The following TAOK2 variants were observed in gnomAD, a reference collection of about 807,000 sequenced individuals.
The protein encoded by TAOK2 is TAO kinase 2.
TAOK2 carries 42 observed loss-of-function variants against 122.5 expected under a neutral mutation model. The observed-to-expected ratio is 0.34, with a 90% CI of 0.27 to 0.44. The LOEUF is 0.44. Ranked by LOEUF, TAOK2 falls within the 20% of genes least tolerant of loss-of-function variation. The probability of loss-of-function intolerance (pLI) is 1.00; values close to 1 mark genes in which losing one functional copy is unlikely to be tolerated. For missense variants in TAOK2, 1,264 were observed against 1,644.9 expected (o/e 0.77, Z 4.01); for synonymous variants, 704 against 677.6 (o/e 1.04, Z -0.61).
rs773896207 is a variant in TAOK2, at chr16:29,985,450, G to A, written c.1660G>A (p.Ala554Thr). ...RRHQAIGEKE[A>T]RAAQAEERKF... ...GCACCAGGCCATAGGTGAGAAGGAG[G>A]CACGAGCTGCCCAGGCCGAGGAGCG... The change falls in exon 14 of 16, where the codon GCA becomes ACA. Residue 554 changes from alanine (A) to threonine (T), a missense_variant. Ala to Thr is a moderately conservative substitution (Grantham distance 58). Transcript: ENST00000308893. This position sits in a 1 kb window ranked among gnomAD's most constrained non-coding sequence, Gnocchi z 6.9. The A allele has an allele frequency of 4.3e-6, 7 of 1,611,084 alleles. No homozygotes were observed. In the African/African-American group the frequency reaches 6.7e-5, roughly 15 times the overall value.
chr16:29,978,194 A>C (rs1435448427), intron 3 of TAOK2, 34 bp downstream of exon 3: 2 of 1,614,040 alleles, frequency 1.2e-6, no homozygotes, highest in Admixed American at 3.3e-5. Flanking sequence ...GGTTGGGGAC[A>C]GGGGACTCCT....
At position 29,987,525 on chromosome 16, in the gene TAOK2, T is replaced by C; in HGVS notation, c.3253T>C (p.Trp1085Arg). The change falls in exon 16 of 16, where the codon TGG becomes CGG. Residue 1085 changes from tryptophan to arginine, a missense_variant. By Grantham distance (101) the Trp-to-Arg change is moderately radical. Transcript: ENST00000308893. ...PRVRRGISRL[W>R]LRVLLRLSPM... ...GGTGCGCCGGGGCATATCTCGACTC[T>C]GGTTGCGGGTTCTGCTGCGCCTGTC... is the stretch of plus-strand genomic sequence containing the variant. The C allele has an allele frequency of 6.2e-7, 1 of 1,610,280 alleles. No individual in the cohort carries two copies. Among genetic ancestry groups the C allele is most frequent in the Non-Finnish European group, 8.5e-7 (1 of 1,177,768 alleles).
chr16:29,984,018 G>C (rs1002707100), intron 13 of TAOK2, among the ~76,000 whole-genome samples: 3 of 152,154 alleles, frequency 2.0e-5, no homozygotes, highest in African/African-American at 7.2e-5. Context: ...TGTGCCTGTG[G>C]AGCCCTGTGC....
At chr16:29,978,705 C>G (rs753393199) in intron 4 of TAOK2, 94 bp from the exon 5 acceptor site, 2 of 1,458,038 alleles carry the variant, frequency 1.4e-6, no homozygotes, top group African/African-American at 1.4e-5. Context: ...GTCATCACCC[C>G]GGGGACATAG....
downstream of TAOK2, chr16:29,991,726 C>A: frequency 2.0e-6 from 2 of 984,458 alleles, no homozygotes; most frequent in East Asian, 3.3e-5. This position sits in a 1 kb window ranked among gnomAD's most constrained non-coding sequence, Gnocchi z 5.6. Flanking sequence ...TTGGGGCTGG[C>A]CAGTGGCCCA....
rs779667237 is a variant in TAOK2, at chr16:29,983,409, C to T, written c.1260+77C>T. ...GGTCTTCGCCCTCCTTCCCTAAGTG[C>T]AGCACTCCTCTGAGTCTGATTGGCT... On this transcript the variant is annotated intron_variant, in intron 12 of 15. Coordinates refer to ENST00000308893, the MANE Select transcript of TAOK2 (RefSeq NM_016151.4). 45 of 1,561,888 alleles carry T rather than the reference C, an allele frequency of 2.9e-5. No individual in the cohort carries two copies. The Middle Eastern group carries it at 2.1e-3, about 71-fold the overall frequency.
downstream of TAOK2, chr16:29,991,233 C>G: frequency 6.2e-7 from 1 of 1,611,580 alleles, no homozygotes; most frequent in Non-Finnish European, 8.5e-7. The surrounding 1 kb of genome is among the most constrained non-coding windows in gnomAD (Gnocchi z 5.6). Flanking sequence ...ACCCCCTGCC[C>G]CAGCCTGGCC....
Position 29,983,343 on chromosome 16 carries a change from C to A in TAOK2, c.1260+11C>A. ...ATCCACCGGCTGCCGGTACACAGCT[C>A]ACCCTTGGGGGACCCGAGCCACCTG... On this transcript the variant is annotated intron_variant, in intron 12 of 15. Coordinates refer to ENST00000308893, the MANE Select transcript of TAOK2 (RefSeq NM_016151.4). The A allele has an allele frequency of 1.3e-6, 2 of 1,588,762 alleles. No homozygotes were observed. Among genetic ancestry groups the A allele is most frequent in the Non-Finnish European group, 8.5e-7 (1 of 1,172,458 alleles).
At chr16:29,989,315 C>G (rs1165387607), downstream of TAOK2, 37 of 984,752 alleles carry the variant, frequency 3.8e-5, no homozygotes, top group Non-Finnish European at 4.2e-5. Context: ...CTCTTGGAAC[C>G]TCTTGTCTTC....
chr16:29,977,121 G>C (rs2069479210), intron 1 of TAOK2, among the ~76,000 whole-genome samples: 1 of 152,214 alleles, frequency 6.6e-6, no homozygotes, highest in African/African-American at 2.4e-5. Flanking sequence ...AGCACAGAGA[G>C]GCCCTCATAG....
At position 29,986,019 on chromosome 16, in the gene TAOK2, C is replaced by A. The variant is rs908060524; in HGVS notation, c.1992+158C>A. ...CCTTTTACTTCTCATCCCCAACAGACCCTGCCAGAATTTCCTTAGGCCTCT... is the reference window on the plus strand; with the variant it reads ...CCTTTTACTTCTCATCCCCAACAGAACCTGCCAGAATTTCCTTAGGCCTCT... On this transcript the variant is annotated intron_variant, in intron 15 of 15. Coordinates refer to ENST00000308893, the MANE Select transcript of TAOK2 (RefSeq NM_016151.4). This position sits in a 1 kb window ranked among gnomAD's most constrained non-coding sequence, Gnocchi z 4.2. 6.6e-5 allele frequency among the ~76,000 whole-genome samples: 10 copies of A among 152,212 alleles called. No homozygotes were observed. The highest frequency in any genetic ancestry group is 1.2e-4 in the Non-Finnish European group (8 of 68,042).
At chr16:29,991,692 A>G (rs2069972567), downstream of TAOK2, 1 of 1,225,134 alleles carries the variant, frequency 8.2e-7, no homozygotes, top group Admixed American at 3.9e-5. The surrounding 1 kb of genome is among the most constrained non-coding windows in gnomAD (Gnocchi z 5.6). Context: ...AGCTCCCCTC[A>G]GACCTCCTCA....
At chr16:29,989,706 G>C, downstream of TAOK2, 2 of 1,614,060 alleles carry the variant, frequency 1.2e-6, no homozygotes, top group Non-Finnish European at 1.7e-6. Flanking sequence ...CTCAGCACAA[G>C]AGCCTCCTTA....
chr16:29,982,704 G>A, intron 10 of TAOK2, 30 bp from the exon 11 acceptor site: 1 of 1,597,592 alleles, frequency 6.3e-7, no homozygotes, highest in South Asian at 1.1e-5. Context: ...AGGGGAGTTG[G>A]CAGCAGACCT....
chr16:29,978,246 C>T lies in TAOK2; in HGVS notation c.205-6C>T. On this transcript the variant is annotated splice_polypyrimidine_tract_variant and splice_region_variant and intron_variant, in intron 3 of 15. Coordinates refer to ENST00000308893, the MANE Select transcript of TAOK2 (RefSeq NM_016151.4). ...TGGGTAACCTCTGCCTACCCTGACC[C>T]CCTAGAAATGGCAAGACATCATCAA... is the stretch of plus-strand genomic sequence containing the variant. The T allele has an allele frequency of 6.2e-7, 1 of 1,614,046 alleles. No homozygotes were observed. The highest frequency in any genetic ancestry group is 1.1e-5 in the South Asian group (1 of 91,076).
Position 29,988,318 on chromosome 16 carries a change from G to T in TAOK2, c.*338G>T. On this transcript the variant is annotated 3_prime_UTR_variant, in exon 16 of 16. Transcript: ENST00000308893. ...TTCTCCTCTTTGATTTTGTTTTTCTGTCTCCCTTCCAACCTGTCCCCTTCC... is the reference window on the plus strand; with the variant it reads ...TTCTCCTCTTTGATTTTGTTTTTCTTTCTCCCTTCCAACCTGTCCCCTTCC... 1 of 1,413,036 alleles carries T rather than the reference G, an allele frequency of 7.1e-7. No individual in the cohort carries two copies. The highest frequency in any genetic ancestry group is 9.3e-7 in the Non-Finnish European group (1 of 1,074,812). 87.5% of individuals were successfully genotyped at this position (1,413,036 alleles called of 1,614,324 possible).
At chr16:29,988,461 A>G, downstream of TAOK2, 1 of 1,237,892 alleles carries the variant, frequency 8.1e-7, no homozygotes, top group Non-Finnish European at 1.0e-6. Flanking sequence ...GTATGCCCCC[A>G]GGCTGACCCT....
In TAOK2 at chr16:29,982,824, C is replaced by T; in HGVS notation, c.922C>T (p.Gln308Ter). ...KDAVRELDNL[Q>*]YRKMKKILFQ... ...TGCCGTGCGGGAGCTGGACAACCTG[C>T]AGTACCGCAAGATGAAGAAGATCCT... is the stretch of plus-strand genomic sequence containing the variant. The change falls in exon 11 of 16, where the codon CAG becomes TAG. Residue 308 changes from glutamine to a stop codon, truncating the protein, a stop_gained. Transcript: ENST00000308893. LOFTEE classifies it high-confidence loss of function. The T allele has an allele frequency of 6.2e-7, 1 of 1,614,102 alleles. No individual in the cohort carries two copies. The highest frequency in any genetic ancestry group is 8.5e-7 in the Non-Finnish European group (1 of 1,179,998).
At chr16:29,990,991 G>A (rs1055558375), downstream of TAOK2, 10 of 1,598,192 alleles carry the variant, frequency 6.3e-6, no homozygotes, top group South Asian at 3.4e-5. Context: ...CTCCAGGACT[G>A]GGGAGGGAGG....
Sources: gnomAD v4.1 joint callset for allele counts (sites outside exome capture counted in the v4.1 genomes callset) on GRCh38, gnomAD v4.1.1 for gene constraint, Gnocchi (gnomAD v3.1) non-coding constraint, MANE v1.5 for transcripts, NCBI Gene and HGNC (gene_info 2026-07-23, HGNC 2026-07-21) for gene names.